The following SLC20A2 variants were observed in gnomAD, a reference collection of about 807,000 sequenced individuals.
The protein encoded by SLC20A2 is solute carrier family 20 member 2, also known as sodium-dependent phosphate transporter 2.
In SLC20A2, 30 loss-of-function variants were observed where a neutral mutation model predicts 61.0. The observed-to-expected ratio is 0.49, with a 90% confidence interval of 0.37 to 0.67. The LOEUF is 0.67. Ranked by LOEUF, SLC20A2 falls within the 30% of genes least tolerant of loss-of-function variation. The probability of loss-of-function intolerance (pLI) is 0.00; values close to 1 mark genes in which losing one functional copy is unlikely to be tolerated. For missense variants in SLC20A2, 626 were observed against 866.4 expected, an observed-to-expected ratio of 0.72 and a Z score of 3.48; for synonymous variants, 351 against 353.3, an observed-to-expected ratio of 0.99 and a Z score of 0.07.
intron 10 of SLC20A2, among the ~76,000 whole-genome samples, chr8:42,422,051 G>T (rs1182849542): frequency 1.3e-5 from 2 of 152,110 alleles, no homozygotes; most frequent in East Asian, 3.9e-4. Context: ...AAAGGTTCTT[G>T]TATAGTATTG....
rs1209565091 is a variant in SLC20A2 at position 42,437,652 on chromosome 8, C to T, written c.935-75G>A. 3.1e-6 allele frequency: 4 copies of T among 1,280,494 alleles called. No homozygotes were observed. Among genetic ancestry groups the T allele is most frequent in the Non-Finnish European group, 4.2e-6 (4 of 955,018 alleles). 79.3% of individuals were successfully genotyped at this position (1,280,494 alleles called of 1,614,324 possible). The stretch of plus-strand genomic sequence containing the variant: ...CTTTTCTTTTTGAGACGGAGCCTTG[C>T]TCTGTCCTCAGGGTGGAGTACAATG... On this transcript the variant is annotated intron_variant, in intron 7 of 10. Coordinates refer to ENST00000520262, the MANE Select transcript of SLC20A2 (RefSeq NM_001257180.2). This position sits in a 1 kb window ranked among gnomAD's most constrained non-coding sequence, Gnocchi z 6.4.
At chr8:42,522,661 ACAGAG>A (rs1811654812) in intron 1 of SLC20A2, among the ~76,000 whole-genome samples, 1 of 113,432 alleles carries the variant, frequency 8.8e-6, no homozygotes, top group East Asian at 2.7e-4. Context: ...AGCCTGGGCG[ACAGAG>A]CAGGACTCCA....
In SLC20A2 at chr8:42,443,406, C is replaced by T. The variant is rs377104166; in HGVS notation, c.730+1240G>A. Among the ~76,000 whole-genome samples the T allele has an allele frequency of 2.7e-3, 408 of 150,566 alleles. 4 individuals carry two copies. Among genetic ancestry groups the T allele is most frequent in the African/African-American group, 9.7e-3 (398 of 41,086 alleles). ...CTTGGCTCACTGCAACCTCTGCCCCCCCGGGTTCAAGCAATTCTCCTGTCT... is the reference window on the plus strand; with the variant it reads ...CTTGGCTCACTGCAACCTCTGCCCCTCCGGGTTCAAGCAATTCTCCTGTCT... On this transcript the variant is annotated intron_variant, in intron 6 of 10. Transcript: ENST00000520262.
intron 8 of SLC20A2, among the ~76,000 whole-genome samples, chr8:42,432,190 AG>A (rs898628164): frequency 2.0e-5 from 3 of 152,350 alleles, no homozygotes; most frequent in African/African-American, 7.2e-5. Flanking sequence ...GATTCATGGG[AG>A]GAAGTGCAAA....
intron 1 of SLC20A2, among the ~76,000 whole-genome samples, chr8:42,509,974 T>C (rs547125507): frequency 6.6e-6 from 1 of 152,254 alleles, no homozygotes; most frequent in South Asian, 2.1e-4. Context: ...CTGAATGCAA[T>C]AAGATTTTGG....
intron 1 of SLC20A2, chr8:42,537,441 T>C (rs961782852): frequency 6.6e-6 from 1 of 151,910 alleles, no homozygotes; most frequent in Non-Finnish European, 1.5e-5. Context: ...AGGAAACCTT[T>C]AGTAATACCC....
At chr8:42,518,514 C>CT (rs1811457836) in intron 1 of SLC20A2, among the ~76,000 whole-genome samples, 1 of 152,138 alleles carries the variant, frequency 6.6e-6, no homozygotes, top group Admixed American at 6.6e-5. Flanking sequence ...CTAACAAACC[C>CT]TATGTCATTA....
At chr8:42,439,376 C>T in intron 7 of SLC20A2, 74 bp downstream of exon 7, 1 of 1,452,154 alleles carries the variant, frequency 6.9e-7, no homozygotes, top group Non-Finnish European at 9.5e-7. Flanking sequence ...TTGCCCACAC[C>T]CAGGCCCAGC....
intron 1 of SLC20A2, among the ~76,000 whole-genome samples, chr8:42,475,147 T>C (rs1427487279): frequency 1.3e-5 from 2 of 152,100 alleles, no homozygotes; most frequent in Non-Finnish European, 2.9e-5. Context: ...TCACCCAGGC[T>C]AGAATGCAGT....
intron 6 of SLC20A2, among the ~76,000 whole-genome samples, chr8:42,442,900 T>C (rs1464533161): frequency 6.6e-6 from 1 of 152,146 alleles, no homozygotes; most frequent in African/African-American, 2.4e-5. Flanking sequence ...TGTGACCCTA[T>C]GGTACATGCT....
At chr8:42,508,750 G>A (rs968900017) in intron 1 of SLC20A2, among the ~76,000 whole-genome samples, 3 of 152,260 alleles carry the variant, frequency 2.0e-5, no homozygotes, top group African/African-American at 7.2e-5. Flanking sequence ...GGAGTAGAAA[G>A]AACACTATAC....
At position 42,437,016 on chromosome 8, in the gene SLC20A2, G is replaced by C; in HGVS notation, c.1496C>G (p.Ser499Cys). The change falls in exon 8 of 11, where the codon TCC becomes TGC. Residue 499 changes from serine to cysteine, a missense_variant. Transcript: ENST00000520262. This position sits in a 1 kb window ranked among gnomAD's most constrained non-coding sequence, Gnocchi z 6.4. ...FLQVLTACFG[S>C]FAHGGNDVSN... ...CACGTCATTGCCGCCGTGAGCAAAG[G>C]ACCCGAAACAGGCGGTGAGGACCTG... The C allele has an allele frequency of 1.9e-6, 3 of 1,610,490 alleles. No individual in the cohort carries two copies. Among genetic ancestry groups the C allele is most frequent in the South Asian group, 2.2e-5 (2 of 90,464 alleles).
At chr8:42,506,200 G>A (rs527919719), upstream of SLC20A2, among the ~76,000 whole-genome samples, 8 of 152,216 alleles carry the variant, frequency 5.3e-5, no homozygotes, top group South Asian at 2.1e-4. Flanking sequence ...TTGGCCTCCC[G>A]AAGTACTGGG....
chr8:42,482,335 T>C (rs894202857), intron 1 of SLC20A2, among the ~76,000 whole-genome samples: 10 of 152,204 alleles, frequency 6.6e-5, no homozygotes, highest in African/African-American at 2.2e-4. Context: ...TTTATCTAAT[T>C]TGAGGACACA....
intron 8 of SLC20A2, among the ~76,000 whole-genome samples, chr8:42,433,928 C>T (rs1188615587): frequency 6.6e-6 from 1 of 152,202 alleles, no homozygotes; most frequent in Non-Finnish European, 1.5e-5. Context: ...GAGGAGCCTC[C>T]ATCCTGTTTT....
intron 1 of SLC20A2, among the ~76,000 whole-genome samples, chr8:42,485,894 C>T (rs569082752): frequency 8.1e-4 from 122 of 150,454 alleles, no homozygotes; most frequent in Non-Finnish European, 1.6e-3. Context: ...TGCAGTGAGC[C>T]GAGATTGCGC....
intron 1 of SLC20A2, among the ~76,000 whole-genome samples, chr8:42,476,520 C>T (rs1328617511): frequency 2.6e-5 from 4 of 152,190 alleles, no homozygotes; most frequent in Admixed American, 2.6e-4. Context: ...CACAGGAGCG[C>T]CCTGGGTGGG....
chr8:42,426,006 A>G (rs2130942753), intron 10 of SLC20A2, among the ~76,000 whole-genome samples: 1 of 152,282 alleles, frequency 6.6e-6, no homozygotes, highest in South Asian at 2.1e-4. Flanking sequence ...ACTGCACTCC[A>G]GCCTGGGTGA....
At chr8:42,523,918 G>A (rs1047352540) in intron 1 of SLC20A2, among the ~76,000 whole-genome samples, 23 of 152,220 alleles carry the variant, frequency 1.5e-4, no homozygotes, top group African/African-American at 4.3e-4. Flanking sequence ...TCTTCCTCAC[G>A]TACAAAGCTT....
Sources: allele counts gnomAD v4.1 joint callset (sites outside exome capture counted in the v4.1 genomes callset), GRCh38; gene constraint gnomAD v4.1.1; non-coding constraint Gnocchi (gnomAD v3.1); transcripts MANE v1.5; gene names NCBI Gene and HGNC (gene_info 2026-07-23, HGNC 2026-07-21).